SEMA6D: variants seen among roughly 807,000 people sequenced by gnomAD.
SEMA6D encodes semaphorin 6D, also known as semaphorin-6D.
Under a neutral mutation model 106.6 loss-of-function variants are expected in SEMA6D, and 35 were observed. The observed-to-expected ratio is 0.33, with a 90% CI of 0.25 to 0.44. SEMA6D has a LOEUF of 0.44. Among genes scored for constraint, SEMA6D ranks in the 20% least tolerant of loss-of-function variants. SEMA6D has a pLI of 1.00. For synonymous variants in SEMA6D, 499 were observed against 487.7 expected (o/e 1.02, Z -0.31); for missense variants, 1,185 against 1,345.9 (o/e 0.88, Z 1.87).
intron 1 of SEMA6D, among the ~76,000 whole-genome samples, chr15:47,239,757 T>C (rs544127935): frequency 6.6e-6 from 1 of 152,176 alleles, no homozygotes; most frequent in Admixed American, 6.5e-5. Context: ...ATACTAATAC[T>C]TGCCTTACAG....
chr15:47,395,953 G>A (rs939763354), intron 1 of SEMA6D, among the ~76,000 whole-genome samples: 3 of 152,140 alleles, frequency 2.0e-5, no homozygotes, highest in Non-Finnish European at 2.9e-5. Flanking sequence ...TAGGAGATGG[G>A]GCCTTTGAGA....
At chr15:47,298,890 T>C (rs73399058) in intron 1 of SEMA6D, among the ~76,000 whole-genome samples, 2,522 of 152,324 alleles carry the variant, frequency 0.017, 70 homozygotes, top group African/African-American at 0.055. Context: ...TTTACCTTGC[T>C]TTAGACATTG....
At chr15:47,309,437 A>T (rs1043828528) in intron 1 of SEMA6D, among the ~76,000 whole-genome samples, 3 of 152,172 alleles carry the variant, frequency 2.0e-5, no homozygotes, top group Admixed American at 6.6e-5. Flanking sequence ...GATTGTGTTC[A>T]AGTAACCCTC....
chr15:47,320,516 G>A (rs1314344155), intron 1 of SEMA6D, among the ~76,000 whole-genome samples: 3 of 152,112 alleles, frequency 2.0e-5, no homozygotes, highest in Non-Finnish European at 2.9e-5. Flanking sequence ...CAACATGTTA[G>A]AAAGATCATC....
intron 2 of SEMA6D, among the ~76,000 whole-genome samples, chr15:47,459,339 A>G (rs1411088126): frequency 6.6e-6 from 1 of 152,086 alleles, no homozygotes; most frequent in Non-Finnish European, 1.5e-5. Context: ...AATCCTGTCA[A>G]CTGCCTGAAT....
At chr15:47,313,336 C>A (rs968778288) in intron 1 of SEMA6D, among the ~76,000 whole-genome samples, 7 of 152,092 alleles carry the variant, frequency 4.6e-5, no homozygotes, top group African/African-American at 1.7e-4. Flanking sequence ...CATAGTTTTG[C>A]CTTTTCCAAA....
chr15:47,451,847 A>G (rs779423918), intron 2 of SEMA6D, among the ~76,000 whole-genome samples: 6 of 152,034 alleles, frequency 3.9e-5, no homozygotes, highest in Non-Finnish European at 8.8e-5. Context: ...GGCAATGGAC[A>G]TGCTGTTGGT....
intron 1 of SEMA6D, among the ~76,000 whole-genome samples, chr15:47,284,421 G>A (rs1290577516): frequency 6.6e-6 from 1 of 152,164 alleles, no homozygotes; most frequent in Non-Finnish European, 1.5e-5. Flanking sequence ...TTATTATGAT[G>A]GTTGATTCCC....
chr15:47,609,447 A>G (rs535478342), intron 4 of SEMA6D, among the ~76,000 whole-genome samples: 5 of 152,070 alleles, frequency 3.3e-5, no homozygotes, highest in Non-Finnish European at 5.9e-5. Context: ...AAAACAGAAG[A>G]CTTTTCAGTG....
chr15:47,593,912 C>T (rs2076489555), intron 3 of SEMA6D, among the ~76,000 whole-genome samples: 1 of 152,204 alleles, frequency 6.6e-6, no homozygotes, highest in Non-Finnish European at 1.5e-5. Context: ...GGTGCTAAAC[C>T]ATTCATGAAG....
At chr15:47,424,292 G>C (rs2041262448) in intron 2 of SEMA6D, among the ~76,000 whole-genome samples, 2 of 151,342 alleles carry the variant, frequency 1.3e-5, no homozygotes, top group African/African-American at 2.4e-5. Flanking sequence ...AATTTAAAGA[G>C]AAGGATTGAG....
chr15:47,611,456 A>C (rs2076904476), intron 4 of SEMA6D, among the ~76,000 whole-genome samples: 2 of 152,230 alleles, frequency 1.3e-5, no homozygotes, highest in African/African-American at 4.8e-5. Context: ...TTAAGTGAAA[A>C]ACCAGATTAT....
intron 2 of SEMA6D, among the ~76,000 whole-genome samples, chr15:47,436,857 C>T (rs1423588417): frequency 5.4e-5 from 8 of 149,520 alleles, no homozygotes; most frequent in African/African-American, 2.0e-4. Context: ...TCACTTAAAC[C>T]CAGAAGGTTG....
intron 1 of SEMA6D, among the ~76,000 whole-genome samples, chr15:47,194,234 T>C (rs533899174): frequency 5.9e-4 from 90 of 152,292 alleles, no homozygotes; most frequent in African/African-American, 2.1e-3. Context: ...CAAATATATA[T>C]GTCATATATG....
At chr15:47,417,420 T>TGC (rs2041007601) in intron 2 of SEMA6D, among the ~76,000 whole-genome samples, 1 of 151,288 alleles carries the variant, frequency 6.6e-6, no homozygotes, top group Non-Finnish European at 1.5e-5. Context: ...TATATGTGTG[T>TGC]GTGTGTGTGT....
chr15:47,385,070 T>C (rs1311403725), intron 1 of SEMA6D, among the ~76,000 whole-genome samples: 1 of 148,226 alleles, frequency 6.7e-6, no homozygotes, highest in Non-Finnish European at 1.5e-5. Context: ...TTTTTTACCA[T>C]AGAACTCATA....
chr15:47,329,154 C>G (rs2037243388), intron 1 of SEMA6D, among the ~76,000 whole-genome samples: 1 of 152,130 alleles, frequency 6.6e-6, no homozygotes, highest in Non-Finnish European at 1.5e-5. Context: ...ATGGAGCTTG[C>G]CCAGTGGTGA....
At chr15:47,405,407 A>G (rs998493265) in intron 1 of SEMA6D, among the ~76,000 whole-genome samples, 1 of 152,028 alleles carries the variant, frequency 6.6e-6, no homozygotes, top group Admixed American at 6.5e-5. Context: ...AGTCCATCCT[A>G]AACATCACCC....
intron 3 of SEMA6D, among the ~76,000 whole-genome samples, chr15:47,497,509 T>C (rs1028272649): frequency 6.6e-6 from 1 of 152,120 alleles, no homozygotes; most frequent in Admixed American, 6.6e-5. Flanking sequence ...CCTACTTTCC[T>C]AGTTCTCTTC....
Sources: allele counts gnomAD v4.1 joint callset (sites outside exome capture counted in the v4.1 genomes callset), GRCh38; gene constraint gnomAD v4.1.1; transcripts MANE v1.5; gene names NCBI Gene and HGNC (gene_info 2026-07-23, HGNC 2026-07-21).